Variants in AP3S2 observed in about 807,000 individuals in gnomAD.
AP3S2 encodes AP-3 complex subunit sigma-2.
Under a neutral mutation model 23.4 loss-of-function variants are expected in AP3S2, and 22 were observed. The observed-to-expected ratio is 0.94, with a 90% CI of 0.67 to 1.34. The LOEUF (loss-of-function observed/expected upper bound fraction) is 1.34, where lower values mean the gene tolerates loss of function less well. Ranked by LOEUF, AP3S2 falls within the 40% of genes most tolerant of loss-of-function variation. The probability of loss-of-function intolerance (pLI) is 0.00; values close to 1 mark genes in which losing one functional copy is unlikely to be tolerated. For missense variants in AP3S2, 241 were observed against 236.9 expected (o/e 1.02, Z -0.11); for synonymous variants, 86 against 87.1 (o/e 0.99, Z 0.07).
chr15:89,856,884 A>AG (rs1446101961), intron 4 of AP3S2, among the ~76,000 whole-genome samples: 10 of 146,042 alleles, frequency 6.8e-5, no homozygotes, highest in Non-Finnish European at 1.5e-4. Context: ...AAAAAAAAAA[A>AG]AAAGAAAAGA....
At chr15:89,851,739 T>C (rs1895660374) in intron 4 of AP3S2, among the ~76,000 whole-genome samples, 1 of 152,154 alleles carries the variant, frequency 6.6e-6, no homozygotes, top group Admixed American at 6.5e-5. Flanking sequence ...ACTCACTACA[T>C]ATTATTACTT....
chr15:89,870,735 C>T (rs1896299404), intron 4 of AP3S2, among the ~76,000 whole-genome samples: 1 of 152,136 alleles, frequency 6.6e-6, no homozygotes. Flanking sequence ...CTCCAAGGGC[C>T]AGGGATCATA....
In AP3S2 at chr15:89,830,866, A is replaced by T. The variant is rs537331740; in HGVS notation, c.*4649T>A. 6.6e-6 allele frequency: 1 copy of T among 152,358 alleles called. No homozygotes were observed. The highest frequency in any genetic ancestry group is 6.5e-5 in the Admixed American group (1 of 15,300). The allele number at this position is 152,358 out of a possible 1,614,324, so 9.4% of individuals were successfully genotyped here. ...CCTCCTCCCTGGAGAGGGCGGCATGATCCTAGTGGGCCGAGGTCAACCGCC... is the reference window on the plus strand; with the variant it reads ...CCTCCTCCCTGGAGAGGGCGGCATGTTCCTAGTGGGCCGAGGTCAACCGCC... On this transcript the variant is annotated 3_prime_UTR_variant, in exon 6 of 6. Coordinates refer to ENST00000336418, the MANE Select transcript of AP3S2 (RefSeq NM_005829.5).
At chr15:89,859,289 C>A (rs1596201369) in intron 4 of AP3S2, among the ~76,000 whole-genome samples, 1 of 137,436 alleles carries the variant, frequency 7.3e-6, no homozygotes, top group Non-Finnish European at 1.6e-5. Context: ...TTCCTTTTTT[C>A]TTTTCTTTTT....
intron 4 of AP3S2, among the ~76,000 whole-genome samples, chr15:89,847,665 T>C (rs577392043): frequency 6.6e-6 from 1 of 152,248 alleles, no homozygotes; most frequent in South Asian, 2.1e-4. Flanking sequence ...AAAAACAGAC[T>C]GATCTGGTAC....
intron 3 of AP3S2, among the ~76,000 whole-genome samples, chr15:89,882,913 G>A (rs950611317): frequency 2.0e-5 from 3 of 152,028 alleles, no homozygotes; most frequent in Admixed American, 1.3e-4. Flanking sequence ...CTCTCCTGAC[G>A]GAATTATACT....
chr15:89,893,390 G>C (rs965554496), intron 1 of AP3S2: 27 of 234,146 alleles, frequency 1.2e-4, no homozygotes, highest in Non-Finnish European at 2.1e-4. Context: ...TCAACCCTAA[G>C]AGTGAAGGGT....
At chr15:89,854,382 G>A (rs1895753629) in intron 4 of AP3S2, among the ~76,000 whole-genome samples, 3 of 54,114 alleles carry the variant, frequency 5.5e-5, no homozygotes, top group African/African-American at 7.0e-5. Flanking sequence ...CGCCCCGTCC[G>A]GGAGGGAGGT....
At chr15:89,849,642 C>T (rs1316536024) in intron 4 of AP3S2, among the ~76,000 whole-genome samples, 3 of 152,090 alleles carry the variant, frequency 2.0e-5, no homozygotes, top group East Asian at 1.9e-4. Context: ...GCTGGGATTA[C>T]AGGCATGAGC....
chr15:89,893,243 A>G (rs1896860586), intron 1 of AP3S2: 1 of 153,006 alleles, frequency 6.5e-6, no homozygotes. Flanking sequence ...CTTCGAAGAC[A>G]GGAAGCAAAT....
chr15:89,891,742 C>A (rs980893013), intron 1 of AP3S2, among the ~76,000 whole-genome samples: 4 of 151,832 alleles, frequency 2.6e-5, no homozygotes, highest in African/African-American at 9.7e-5. Context: ...TAACGAATGG[C>A]AGGGATGTGA....
intron 4 of AP3S2, among the ~76,000 whole-genome samples, chr15:89,841,106 G>A (rs949372005): frequency 6.6e-6 from 1 of 152,186 alleles, no homozygotes; most frequent in Non-Finnish European, 1.5e-5. Flanking sequence ...GTGTGGTGGT[G>A]GGGGCTTTCT....
chr15:89,849,924 C>T (rs1003484929), intron 4 of AP3S2, among the ~76,000 whole-genome samples: 3 of 151,820 alleles, frequency 2.0e-5, no homozygotes, highest in Admixed American at 6.6e-5. Context: ...GAAAACATGT[C>T]GTGTTTGGTT....
chr15:89,870,444 A>C (rs1307787456), intron 4 of AP3S2, among the ~76,000 whole-genome samples: 1 of 152,192 alleles, frequency 6.6e-6, no homozygotes, highest in Non-Finnish European at 1.5e-5. Context: ...ATGCTGATAG[A>C]GTCACAGAGC....
chr15:89,879,106 AG>A (rs1423774336), intron 3 of AP3S2, among the ~76,000 whole-genome samples: 1 of 152,212 alleles, frequency 6.6e-6, no homozygotes, highest in African/African-American at 2.4e-5. Context: ...CTCAAACTCC[AG>A]GGCTTAAGCG....
chr15:89,866,069 C>T (rs1896110283), intron 4 of AP3S2, among the ~76,000 whole-genome samples: 1 of 151,872 alleles, frequency 6.6e-6, no homozygotes. Flanking sequence ...GGAGACCAGC[C>T]TGACAGATAT....
intron 1 of AP3S2, among the ~76,000 whole-genome samples, chr15:89,890,399 C>T (rs1201254111): frequency 1.3e-5 from 2 of 152,182 alleles, no homozygotes; most frequent in Non-Finnish European, 2.9e-5. Flanking sequence ...CTGATGAAAT[C>T]ACTTTGATAA....
intron 4 of AP3S2, among the ~76,000 whole-genome samples, chr15:89,857,607 A>G (rs947410214): frequency 1.3e-5 from 2 of 152,264 alleles, no homozygotes; most frequent in African/African-American, 4.8e-5. Flanking sequence ...AGAGAAACTG[A>G]AAAGCTGCCA....
At chr15:89,841,822 A>G (rs1596187406) in intron 4 of AP3S2, among the ~76,000 whole-genome samples, 1 of 152,352 alleles carries the variant, frequency 6.6e-6, no homozygotes, top group East Asian at 1.9e-4. Context: ...AGATAAGTAT[A>G]CAAAAAATCT....
Sources: gnomAD v4.1 joint callset for allele counts (sites outside exome capture counted in the v4.1 genomes callset) on GRCh38, gnomAD v4.1.1 for gene constraint, MANE v1.5 for transcripts, NCBI Gene and HGNC (gene_info 2026-07-23, HGNC 2026-07-21) for gene names.